Variants in FGD3 observed in about 807,000 individuals in gnomAD.
FGD3 encodes the protein FYVE, RhoGEF and PH domain-containing protein 3.
In FGD3, 45 loss-of-function variants were observed where a neutral mutation model predicts 71.8. That is an observed-to-expected ratio of 0.63 (90% CI 0.49 to 0.80). The LOEUF is 0.80. Among genes scored for constraint, FGD3 ranks in the 30% least tolerant of loss-of-function variants. The probability of loss-of-function intolerance (pLI) is 0.00; values close to 1 mark genes in which losing one functional copy is unlikely to be tolerated. For synonymous variants in FGD3, 378 were observed against 392.8 expected (o/e 0.96, Z 0.44); for missense variants, 844 against 951.5 (o/e 0.89, Z 1.49).
chr9:93,027,025 GCCC>G (rs1382719745), intron 14 of FGD3, among the ~76,000 whole-genome samples: 1 of 152,262 alleles, frequency 6.6e-6, no homozygotes, highest in Admixed American at 6.5e-5. Flanking sequence ...TGTGCTTGGA[GCCC>G]CCACTGTGGT....
Position 93,029,023 on chromosome 9 carries a change from T to G in FGD3, c.1558-851T>G, listed in dbSNP as rs966358329. On this transcript the variant is annotated intron_variant, in intron 14 of 17. Coordinates refer to ENST00000375482, the MANE Select transcript of FGD3 (RefSeq NM_001083536.2). ...TTTTTTTTTTTTTTTTTTTTTTTTT[T>G]TTTTTTTTTTTTTTGAGACAGAATC... Among the ~76,000 whole-genome samples, 1,054 of 125,374 alleles carry G rather than the reference T, an allele frequency of 8.4e-3. 27 individuals are homozygous for G. Among genetic ancestry groups the G allele is most frequent in the African/African-American group, 0.031 (1,010 of 32,928 alleles). 82.3% of individuals were successfully genotyped at this position (125,374 alleles called of 152,430 possible). A position where few individuals can be genotyped will look rare whatever the true frequency, so the allele number is the denominator to read the frequency against.
intron 3 of FGD3, among the ~76,000 whole-genome samples, chr9:92,987,398 C>T (rs1248866943): frequency 2.7e-5 from 4 of 148,866 alleles, no homozygotes; most frequent in African/African-American, 1.0e-4. Flanking sequence ...TGCCACTGCA[C>T]TCCAGCCTGG....
intron 16 of FGD3, chr9:93,033,542 A>C (rs1243700766): frequency 1.9e-3 from 266 of 136,630 alleles, no homozygotes; most frequent in African/African-American, 2.6e-3. Context: ...TTCCTCCTCC[A>C]CTCCTCTTTC....
rs116496123 is a variant in FGD3, at chr9:93,034,624, G to A, written c.1869G>A (p.Val623=). ...LSESGETWSE[V]WAAIPMSDPQ... ...AGAGCGGTGAGACCTGGAGCGAGGT[G>A]TGGGCCGCCATCCCCATGTCAGATC... The change falls in exon 17 of 18, where the codon GTG becomes GTA. Residue 623 remains valine (V), a synonymous_variant. Coordinates refer to ENST00000375482, the MANE Select transcript of FGD3 (RefSeq NM_001083536.2). The A allele has an allele frequency of 6.2e-6, 10 of 1,613,360 alleles. No individual in the cohort carries two copies. Among genetic ancestry groups the A allele is most frequent in the Non-Finnish European group, 7.6e-6 (9 of 1,179,882 alleles).
intron 1 of FGD3, among the ~76,000 whole-genome samples, chr9:92,950,297 G>A (rs1370410794): frequency 1.3e-5 from 2 of 151,428 alleles, no homozygotes; most frequent in Non-Finnish European, 2.9e-5. Context: ...GGTGCTTGTA[G>A]TCCCAGCTAC....
At chr9:92,950,428 A>G (rs967617684) in intron 1 of FGD3, among the ~76,000 whole-genome samples, 8 of 152,058 alleles carry the variant, frequency 5.3e-5, no homozygotes, top group African/African-American at 1.9e-4. Flanking sequence ...CAAAAAAAAA[A>G]AAAAGCAAAT....
intron 14 of FGD3, among the ~76,000 whole-genome samples, chr9:93,026,368 A>T (rs114831812): frequency 2.9e-4 from 44 of 152,128 alleles, no homozygotes; most frequent in African/African-American, 9.9e-4. Context: ...TGGTAACTTC[A>T]TTCACAAAGG....
At chr9:92,982,347 T>G (rs1375011207) in intron 3 of FGD3, among the ~76,000 whole-genome samples, 1 of 152,212 alleles carries the variant, frequency 6.6e-6, no homozygotes, top group Non-Finnish European at 1.5e-5. Context: ...AGTATGACAT[T>G]GTCTATATAT....
chr9:93,006,132 G>A lies in FGD3; in HGVS notation c.789G>A (p.Thr263=), dbSNP rs754250827. ...ACCGAGCCGTAGGGCTGGTGAGCAC[G>A]TGGACCCAGCGCTCCCCACTGTTTA... ...NFDRAVGLVS[T]WTQRSPLFKD... is the part of the protein sequence containing the mutation. Residue 263 remains threonine (T), a synonymous_variant, in exon 6 of 18, where the codon ACG becomes ACA. Coordinates refer to ENST00000375482, the MANE Select transcript of FGD3 (RefSeq NM_001083536.2). 56 of 1,612,538 alleles carry A rather than the reference G, an allele frequency of 3.5e-5. No individual in the cohort carries two copies. Among genetic ancestry groups the A allele is most frequent in the South Asian group, 3.0e-4 (27 of 90,866 alleles).
intron 3 of FGD3, among the ~76,000 whole-genome samples, chr9:92,986,324 G>T (rs913561765): frequency 1.3e-5 from 2 of 152,140 alleles, no homozygotes; most frequent in African/African-American, 4.8e-5. Flanking sequence ...TCTTTAAGTA[G>T]ATGAGAAGCC....
chr9:93,024,121 G>A (rs1034074759), intron 14 of FGD3, among the ~76,000 whole-genome samples: 1 of 152,178 alleles, frequency 6.6e-6, no homozygotes, highest in African/African-American at 2.4e-5. Flanking sequence ...GCAACTTTTT[G>A]TATTGCCAAA....
chr9:92,963,524 T>G (rs992613194), intron 1 of FGD3, among the ~76,000 whole-genome samples: 1 of 152,200 alleles, frequency 6.6e-6, no homozygotes, highest in African/African-American at 2.4e-5. Flanking sequence ...GGTCTCAAAC[T>G]CCTGACCTCA....
intron 1 of FGD3, among the ~76,000 whole-genome samples, chr9:92,964,832 G>C (rs568277849): frequency 1.3e-5 from 2 of 152,284 alleles, no homozygotes; most frequent in East Asian, 3.9e-4. Flanking sequence ...GGGGCGGGGG[G>C]TAGCGCGAGC....
intron 3 of FGD3, among the ~76,000 whole-genome samples, chr9:92,993,080 C>A (rs1860483218): frequency 6.6e-6 from 1 of 152,110 alleles, no homozygotes; most frequent in Non-Finnish European, 1.5e-5. Flanking sequence ...TTAGTCTTTT[C>A]TTGGGATGAG....
intron 3 of FGD3, among the ~76,000 whole-genome samples, chr9:92,997,116 C>A (rs942508189): frequency 2.6e-4 from 40 of 152,162 alleles, no homozygotes; most frequent in African/African-American, 9.2e-4. Context: ...GTCTAAGTCT[C>A]TTTGTAGGTC....
chr9:92,948,843 G>A (rs1330921170), intron 1 of FGD3, among the ~76,000 whole-genome samples: 2 of 152,178 alleles, frequency 1.3e-5, no homozygotes, highest in Non-Finnish European at 2.9e-5. Flanking sequence ...TGGACACAAC[G>A]CCTTCTCTGT....
chr9:92,957,970 C>T (rs1290197827), intron 1 of FGD3, among the ~76,000 whole-genome samples: 5 of 151,232 alleles, frequency 3.3e-5, no homozygotes, highest in African/African-American at 9.7e-5. Context: ...CCACTGCACC[C>T]GGCCGCCTTT....
At chr9:93,011,023 ATG>A (rs947221498) in intron 7 of FGD3, among the ~76,000 whole-genome samples, 189 bp from the exon 8 acceptor site, 2 of 152,034 alleles carry the variant, frequency 1.3e-5, no homozygotes, top group Admixed American at 1.3e-4. Flanking sequence ...CCCAGAAGGG[ATG>A]TGTCTGCAGG....
chr9:93,029,748 C>A, intron 14 of FGD3, 126 bp from the exon 15 acceptor site: 1 of 1,290,772 alleles, frequency 7.7e-7, no homozygotes, highest in Non-Finnish European at 1.1e-6. Context: ...TTCCCTTCTG[C>A]ATGTTCCACT....
Sources: allele counts gnomAD v4.1 joint callset (sites outside exome capture counted in the v4.1 genomes callset), GRCh38; gene constraint gnomAD v4.1.1; transcripts MANE v1.5; gene names NCBI Gene and HGNC (gene_info 2026-07-23, HGNC 2026-07-21).